The following ARPP21 variants were observed in gnomAD, a reference collection of about 807,000 sequenced individuals.
ARPP21 encodes cAMP regulated phosphoprotein 21, also known as cAMP-regulated phosphoprotein 21.
A neutral mutation model predicts 113.2 loss-of-function variants in ARPP21; 69 were observed. That is an observed-to-expected ratio of 0.61 (90% confidence interval 0.50 to 0.74). The LOEUF (loss-of-function observed/expected upper bound fraction) is 0.74. Ranked by LOEUF, ARPP21 falls within the 30% of genes least tolerant of loss-of-function variation. The pLI is 0.00. For missense variants in ARPP21, 1,070 were observed against 1,037.4 expected (o/e 1.03, Z -0.43); for synonymous variants, 368 against 375.5 (o/e 0.98, Z 0.23).
At chr3:35,763,571 C>T (rs779842205) in intron 19 of ARPP21, among the ~76,000 whole-genome samples, 2 of 152,112 alleles carry the variant, frequency 1.3e-5, no homozygotes, top group Non-Finnish European at 2.9e-5. Context: ...CATGGAACCA[C>T]ATGGAGCTTG....
intron 19 of ARPP21, 145 bp downstream of exon 19, chr3:35,744,110 C>T (rs1443530245): frequency 2.4e-6 from 2 of 848,044 alleles, no homozygotes; most frequent in East Asian, 2.5e-5. Context: ...ATTTGATTGA[C>T]TCTGTGTGGA....
Position 35,693,896 on chromosome 3 carries a change from A to G in ARPP21, c.686+2891A>G, listed in dbSNP as rs112978718. Among the ~76,000 whole-genome samples the G allele has an allele frequency of 7.3e-3, 1,106 of 151,746 alleles. 14 individuals carry two copies. Among genetic ancestry groups the G allele is most frequent in the South Asian group, 0.023 (111 of 4,826 alleles). ...GAGTTTTAATGCTACTCCAGTGCAA[A>G]CACATGAAATGCATATTTTAATGGC... On this transcript the variant is annotated intron_variant, in intron 9 of 20. Transcript: ENST00000684406.
At chr3:35,653,114 G>A (rs1372191900) in intron 1 of ARPP21, among the ~76,000 whole-genome samples, 2 of 151,962 alleles carry the variant, frequency 1.3e-5, no homozygotes, top group Non-Finnish European at 2.9e-5. Flanking sequence ...TTATTGTCTT[G>A]TACTGTAAAT....
intron 19 of ARPP21, among the ~76,000 whole-genome samples, chr3:35,791,364 G>C (rs1307458274): frequency 6.6e-6 from 1 of 152,112 alleles, no homozygotes; most frequent in Non-Finnish European, 1.5e-5. Flanking sequence ...ATTGTATTAA[G>C]ATAGCAGTTC....
intron 4 of ARPP21, 92 bp downstream of exon 4, chr3:35,682,981 T>C: frequency 7.9e-7 from 1 of 1,265,852 alleles, no homozygotes; most frequent in Middle Eastern, 2.3e-4. Context: ...GCATTTCAGA[T>C]GATTGTGTCC....
chr3:35,743,799 A>T lies in ARPP21; in HGVS notation c.2011-40A>T, dbSNP rs377086584. 14 of 1,600,114 alleles carry T rather than the reference A, an allele frequency of 8.7e-6. No homozygotes were observed. In the African/African-American group the frequency reaches 1.9e-4, roughly 21 times the overall value. ...TTAAGTTTAAAAATTTACATTATCT[A>T]CATTTTCATTCTCTGCTTTCTTCCT... On this transcript the variant is annotated intron_variant, in intron 18 of 20. Transcript: ENST00000684406.
chr3:35,665,530 T>C (rs2074136870), intron 1 of ARPP21, among the ~76,000 whole-genome samples: 1 of 152,218 alleles, frequency 6.6e-6, no homozygotes, highest in South Asian at 2.1e-4. Context: ...AAGTAGTTAA[T>C]AGGTCTTTTC....
chr3:35,745,045 G>C (rs1204442119), intron 19 of ARPP21, among the ~76,000 whole-genome samples: 1 of 152,124 alleles, frequency 6.6e-6, no homozygotes, highest in East Asian at 1.9e-4. Context: ...TAAAGTCTGT[G>C]GGAGAAGAAT....
At chr3:35,765,751 A>G (rs2095948011) in intron 19 of ARPP21, among the ~76,000 whole-genome samples, 1 of 152,162 alleles carries the variant, frequency 6.6e-6, no homozygotes. Flanking sequence ...AATAATTACT[A>G]CATATAAATA....
At chr3:35,686,782 T>C (rs2080733107) in intron 5 of ARPP21, among the ~76,000 whole-genome samples, 1 of 151,658 alleles carries the variant, frequency 6.6e-6, no homozygotes, top group South Asian at 2.1e-4. Context: ...GTCATAGTTT[T>C]AATCATAGCA....
chr3:35,646,591 T>C (rs1040663917), intron 1 of ARPP21, among the ~76,000 whole-genome samples: 1 of 152,124 alleles, frequency 6.6e-6, no homozygotes, highest in Non-Finnish European at 1.5e-5. Context: ...ATTTTCTTTG[T>C]TTAAAGAAAG....
intron 11 of ARPP21, 103 bp downstream of exon 11, chr3:35,709,173 G>A (rs2090245237): frequency 1.3e-6 from 1 of 773,506 alleles, no homozygotes; most frequent in Non-Finnish European, 2.1e-6. Flanking sequence ...AAAGGCTGGA[G>A]CCAGAGAACA....
chr3:35,754,406 G>C (rs2095505239), intron 19 of ARPP21, among the ~76,000 whole-genome samples: 1 of 151,938 alleles, frequency 6.6e-6, no homozygotes, highest in African/African-American at 2.4e-5. Flanking sequence ...TTATTAAAGA[G>C]TGACACGAGG....
At position 35,677,211 on chromosome 3, in the gene ARPP21, G is replaced by A. The variant is rs929922979; in HGVS notation, c.-212-2576G>A. On this transcript the variant is annotated intron_variant, in intron 1 of 20. Coordinates refer to ENST00000684406, the MANE Select transcript of ARPP21 (RefSeq NM_001385562.1). Reference sequence around the variant, plus strand: ...TTCATCGGTGAACTAAATTATTGCCGAAATTTGAATCAAATCTGACCTTTC... The same window carrying A: ...TTCATCGGTGAACTAAATTATTGCCAAAATTTGAATCAAATCTGACCTTTC... Among the ~76,000 whole-genome samples the A allele has an allele frequency of 5.3e-5, 8 of 151,764 alleles. No homozygotes were observed. In the South Asian group the frequency reaches 6.2e-4, roughly 12 times the overall value.
At chr3:35,776,899 T>A (rs986401494) in intron 19 of ARPP21, among the ~76,000 whole-genome samples, 1 of 152,066 alleles carries the variant, frequency 6.6e-6, no homozygotes, top group South Asian at 2.1e-4. Context: ...GACCTTCCAC[T>A]CCCTGCTGTA....
intron 9 of ARPP21, among the ~76,000 whole-genome samples, chr3:35,694,423 TC>T (rs1235810622): frequency 3.3e-5 from 5 of 151,584 alleles, no homozygotes; most frequent in African/African-American, 1.2e-4. Context: ...GCACTTTACA[TC>T]TTGTAATAAT....
At chr3:35,685,910 C>A (rs2080412233) in intron 5 of ARPP21, 2 of 503,374 alleles carry the variant, frequency 4.0e-6, no homozygotes, top group Non-Finnish European at 5.1e-6. Flanking sequence ...TTTGTGTGTT[C>A]TTTCAACACC....
At position 35,793,810 on chromosome 3, in the gene ARPP21, T is replaced by G. The variant is rs201077683; in HGVS notation, c.2396T>G (p.Val799Gly). ...TCACTCCCAGCCACTGGAATGCCTG[T>G]TTACTGTAATGTCACACCGCCCACC... ...QGSLPATGMPVYCNVTPPTPQ... is the reference protein window; with the variant it reads ...QGSLPATGMPGYCNVTPPTPQ... Residue 799 changes from valine (V) to glycine (G), a missense_variant, in exon 21 of 21, where the codon GTT becomes GGT. Physicochemically the swap from Val to Gly is moderately radical, Grantham distance 109. Transcript: ENST00000684406. 4.3e-6 allele frequency: 7 copies of G among 1,614,108 alleles called. No individual in the cohort carries two copies. In the East Asian group the frequency reaches 1.6e-4, roughly 36 times the overall value.
At chr3:35,743,361 C>T (rs1359295700) in intron 18 of ARPP21, among the ~76,000 whole-genome samples, 1 of 152,168 alleles carries the variant, frequency 6.6e-6, no homozygotes, top group Non-Finnish European at 1.5e-5. Context: ...AGCAATTGAG[C>T]AGGATTTATC....
Sources: gnomAD v4.1 joint callset for allele counts (sites outside exome capture counted in the v4.1 genomes callset) on GRCh38, gnomAD v4.1.1 for gene constraint, MANE v1.5 for transcripts, NCBI Gene and HGNC (gene_info 2026-07-23, HGNC 2026-07-21) for gene names.